The following GALNTL6 variants were observed in gnomAD, a reference collection of about 807,000 sequenced individuals.
GALNTL6 encodes the protein polypeptide N-acetylgalactosaminyltransferase-like 6.
Under a neutral mutation model 73.7 loss-of-function variants are expected in GALNTL6, and 46 were observed. That is an observed-to-expected ratio of 0.62 (90% CI 0.49 to 0.80). GALNTL6 has a LOEUF of 0.80. GALNTL6 is among the 30% of genes least tolerant of loss of function. The pLI, the probability that GALNTL6 is intolerant of heterozygous loss-of-function variation, is 0.00. For synonymous variants in GALNTL6, 259 were observed against 263.7 expected (o/e 0.98, Z 0.17); for missense variants, 604 against 755.0 (o/e 0.80, Z 2.34).
chr4:172,611,171 A>G (rs1343193106), intron 5 of GALNTL6, among the ~76,000 whole-genome samples: 1 of 151,920 alleles, frequency 6.6e-6, no homozygotes, highest in Non-Finnish European at 1.5e-5. Context: ...GGCATTTAGC[A>G]TGTTTACATT....
chr4:172,513,252 C>T (rs1472993032), intron 5 of GALNTL6, among the ~76,000 whole-genome samples: 1 of 152,042 alleles, frequency 6.6e-6, no homozygotes, highest in South Asian at 2.1e-4. Flanking sequence ...ATTGCTGAGA[C>T]CTTCCAGTGC....
intron 8 of GALNTL6, among the ~76,000 whole-genome samples, chr4:172,924,915 A>T (rs1237862699): frequency 1.3e-5 from 2 of 152,158 alleles, no homozygotes; most frequent in Non-Finnish European, 2.9e-5. Context: ...CTCTGTCGCC[A>T]GGCTAGAGTG....
At chr4:172,268,606 G>A (rs931596527) in intron 3 of GALNTL6, among the ~76,000 whole-genome samples, 1 of 152,186 alleles carries the variant, frequency 6.6e-6, no homozygotes, top group Non-Finnish European at 1.5e-5. Flanking sequence ...CGCAGTTGGG[G>A]AAACAAATCT....
At chr4:172,402,154 C>T (rs1350395212) in intron 5 of GALNTL6, among the ~76,000 whole-genome samples, 1 of 152,062 alleles carries the variant, frequency 6.6e-6, no homozygotes, top group East Asian at 1.9e-4. Context: ...CCTTAGGTCT[C>T]CAGGAAGGGT....
At chr4:172,996,956 C>T (rs1010075689) in intron 10 of GALNTL6, among the ~76,000 whole-genome samples, 4 of 152,166 alleles carry the variant, frequency 2.6e-5, no homozygotes, top group African/African-American at 7.2e-5. Flanking sequence ...CGCAGCCTCC[C>T]CTAGAGTCAA....
At chr4:172,853,110 C>T (rs1248173531) in intron 7 of GALNTL6, among the ~76,000 whole-genome samples, 1 of 152,120 alleles carries the variant, frequency 6.6e-6, no homozygotes, top group South Asian at 2.1e-4. Flanking sequence ...TGGGATGCCC[C>T]GCATAGGGTT....
At chr4:172,788,919 T>C (rs1739836515) in intron 5 of GALNTL6, among the ~76,000 whole-genome samples, 1 of 152,156 alleles carries the variant, frequency 6.6e-6, no homozygotes, top group Admixed American at 6.5e-5. Flanking sequence ...ATTCATTCAA[T>C]ATTTACTGAG....
intron 2 of GALNTL6, among the ~76,000 whole-genome samples, chr4:171,867,360 AAG>A (rs1292412989): frequency 6.6e-6 from 1 of 152,186 alleles, no homozygotes; most frequent in African/African-American, 2.4e-5. Context: ...TCTGCAAAAA[AAG>A]AATTAGAGCA....
chr4:172,073,460 CA>C (rs1579110881), intron 2 of GALNTL6, among the ~76,000 whole-genome samples: 1 of 152,066 alleles, frequency 6.6e-6, no homozygotes, highest in East Asian at 1.9e-4. Flanking sequence ...AAGCAGTATT[CA>C]GGTTTTTTGG....
chr4:172,320,315 G>A (rs1561024612), intron 4 of GALNTL6, among the ~76,000 whole-genome samples: 1 of 152,164 alleles, frequency 6.6e-6, no homozygotes, highest in Non-Finnish European at 1.5e-5. Context: ...TTCTAGAGCA[G>A]GGTGTCTTTC....
intron 8 of GALNTL6, among the ~76,000 whole-genome samples, chr4:172,923,967 T>C (rs1388878888): frequency 6.6e-6 from 1 of 152,024 alleles, no homozygotes; most frequent in African/African-American, 2.4e-5. Context: ...AGATGAGATT[T>C]TTGTGGGGAC....
intron 5 of GALNTL6, among the ~76,000 whole-genome samples, chr4:172,549,206 G>A (rs776674354): frequency 6.6e-6 from 1 of 152,082 alleles, no homozygotes; most frequent in Non-Finnish European, 1.5e-5. Flanking sequence ...GCAATAACTT[G>A]CATCGTTTTT....
At chr4:172,841,804 G>A (rs573259149) in intron 7 of GALNTL6, among the ~76,000 whole-genome samples, 1 of 152,296 alleles carries the variant, frequency 6.6e-6, no homozygotes, top group East Asian at 1.9e-4. Context: ...TTTGGATGGG[G>A]ACACAAAGCC....
intron 2 of GALNTL6, among the ~76,000 whole-genome samples, chr4:171,925,475 A>T (rs1041513088): frequency 2.6e-5 from 4 of 152,208 alleles, no homozygotes; most frequent in South Asian, 2.1e-4. Flanking sequence ...GTGGTGATTC[A>T]TTACACTTAG....
intron 2 of GALNTL6, among the ~76,000 whole-genome samples, chr4:171,912,941 G>T (rs527351666): frequency 2.6e-5 from 4 of 151,948 alleles, no homozygotes; most frequent in African/African-American, 9.7e-5. Flanking sequence ...TCCTTTACCC[G>T]TTCATCTATT....
At chr4:172,013,613 G>T (rs1741090849) in intron 2 of GALNTL6, among the ~76,000 whole-genome samples, 2 of 151,926 alleles carry the variant, frequency 1.3e-5, no homozygotes, top group Admixed American at 6.6e-5. Flanking sequence ...TGGGGCACAT[G>T]AAACATTTTG....
chr4:172,351,187 C>T (rs796081226), intron 5 of GALNTL6, among the ~76,000 whole-genome samples: 1 of 148,040 alleles, frequency 6.8e-6, no homozygotes, highest in Non-Finnish European at 1.5e-5. Context: ...ATCTGTCTAT[C>T]TATCTATCTA....
intron 2 of GALNTL6, among the ~76,000 whole-genome samples, chr4:171,945,620 GTCTT>G (rs1301243871): frequency 6.6e-6 from 1 of 152,030 alleles, no homozygotes; most frequent in Non-Finnish European, 1.5e-5. Flanking sequence ...TTTCTCTTGA[GTCTT>G]TCTGCTCATA....
At chr4:172,461,905 G>A (rs1732635607) in intron 5 of GALNTL6, among the ~76,000 whole-genome samples, 1 of 152,144 alleles carries the variant, frequency 6.6e-6, no homozygotes, top group Non-Finnish European at 1.5e-5. Flanking sequence ...GAAGAGATCA[G>A]CATTTGAATT....
Sources: gnomAD v4.1 joint callset for allele counts (sites outside exome capture counted in the v4.1 genomes callset) on GRCh38, gnomAD v4.1.1 for gene constraint, MANE v1.5 for transcripts, NCBI Gene and HGNC (gene_info 2026-07-23, HGNC 2026-07-21) for gene names.